The following SOX5 variants were observed in gnomAD, a reference collection of about 807,000 sequenced individuals.
The protein encoded by SOX5 is SRY-box transcription factor 5, also known as transcription factor SOX-5.
In SOX5, 9 loss-of-function variants were observed where a neutral mutation model predicts 92.0. The ratio of observed to expected loss-of-function variants is 0.10; its 90% CI spans 0.06 to 0.17. SOX5 has a LOEUF of 0.17. Ranked by LOEUF, SOX5 falls within the 10% of genes least tolerant of loss-of-function variation. The pLI is 1.00. For missense variants in SOX5, 642 were observed against 944.5 expected, an observed-to-expected ratio of 0.68 and a Z score of 4.20; for synonymous variants, 344 against 336.3, an observed-to-expected ratio of 1.02 and a Z score of -0.25.
At chr12:24,147,676 T>C (rs1209505647) in intron 4 of SOX5, among the ~76,000 whole-genome samples, 1 of 152,116 alleles carries the variant, frequency 6.6e-6, no homozygotes. Context: ...TCTGACTGAA[T>C]TTACAATAAA....
At chr12:24,018,414 T>C (rs1323315277) in intron 4 of SOX5, among the ~76,000 whole-genome samples, 1 of 152,208 alleles carries the variant, frequency 6.6e-6, no homozygotes, top group Non-Finnish European at 1.5e-5. Context: ...GTGATGAAAT[T>C]ATTAGAATTA....
intron 1 of SOX5, among the ~76,000 whole-genome samples, chr12:24,516,665 G>A (rs1278178352): frequency 6.6e-6 from 1 of 152,030 alleles, no homozygotes. Flanking sequence ...TTCTTTCTCA[G>A]CAGGATTATT....
chr12:23,941,938 T>TAA (rs11315586), intron 1 of SOX5, among the ~76,000 whole-genome samples: 1 of 138,262 alleles, frequency 7.2e-6, no homozygotes, highest in Non-Finnish European at 1.6e-5. Context: ...CACTAGCTAA[T>TAA]AAAAAAAAAA....
At chr12:24,474,654 G>A (rs1249422289) in intron 1 of SOX5, among the ~76,000 whole-genome samples, 1 of 149,718 alleles carries the variant, frequency 6.7e-6, no homozygotes, top group Non-Finnish European at 1.5e-5. Flanking sequence ...TCCTGCCTCA[G>A]TCTCCCGGGT....
intron 4 of SOX5, among the ~76,000 whole-genome samples, chr12:23,964,725 C>T (rs549366680): frequency 5.3e-5 from 8 of 152,222 alleles, no homozygotes; most frequent in East Asian, 1.9e-4. Flanking sequence ...CATCTAAAAT[C>T]GAGCAGTAAT....
chr12:23,967,694 G>A (rs1947757906), intron 4 of SOX5, among the ~76,000 whole-genome samples: 1 of 152,100 alleles, frequency 6.6e-6, no homozygotes, highest in Admixed American at 6.5e-5. Flanking sequence ...CATAGCTTTG[G>A]TTGCAAGAGA....
At chr12:24,014,504 C>G (rs1473128163) in intron 4 of SOX5, among the ~76,000 whole-genome samples, 2 of 152,140 alleles carry the variant, frequency 1.3e-5, no homozygotes, top group Admixed American at 1.3e-4. Flanking sequence ...CCACACATGT[C>G]TGAACGAAAT....
chr12:24,009,163 C>A (rs1436894021), intron 4 of SOX5, among the ~76,000 whole-genome samples: 2 of 152,184 alleles, frequency 1.3e-5, no homozygotes, highest in African/African-American at 4.8e-5. Context: ...ATGATTTCAG[C>A]CCTGCTGTGA....
chr12:23,641,069 G>A (rs1014516561), intron 7 of SOX5, among the ~76,000 whole-genome samples, 172 bp from the exon 8 acceptor site: 3 of 152,170 alleles, frequency 2.0e-5, no homozygotes, highest in Non-Finnish European at 4.4e-5. Context: ...TTCTGGCTGA[G>A]AGAGGAATGT....
At chr12:24,083,567 G>A (rs892556475) in intron 4 of SOX5, among the ~76,000 whole-genome samples, 2 of 152,012 alleles carry the variant, frequency 1.3e-5, no homozygotes, top group Non-Finnish European at 2.9e-5. Context: ...TTTTTTCTCA[G>A]TTTAGAAGTC....
chr12:24,542,417 G>A (rs556005338), intron 1 of SOX5, among the ~76,000 whole-genome samples: 10 of 152,302 alleles, frequency 6.6e-5, no homozygotes, highest in African/African-American at 1.9e-4. Context: ...ACTTTTCCTC[G>A]ATAATACACT....
At chr12:24,095,605 A>G (rs555378137) in intron 4 of SOX5, among the ~76,000 whole-genome samples, 1 of 152,260 alleles carries the variant, frequency 6.6e-6, no homozygotes, top group Non-Finnish European at 1.5e-5. Flanking sequence ...GTATTACAAG[A>G]TTATCATTAA....
chr12:24,510,089 A>G (rs967044143), intron 1 of SOX5, among the ~76,000 whole-genome samples: 9 of 152,246 alleles, frequency 5.9e-5, no homozygotes, highest in African/African-American at 2.4e-5. Context: ...TGTTTACTAC[A>G]TCAGATAAAT....
chr12:24,105,272 G>GGCCCAC (rs1946544700), intron 4 of SOX5, among the ~76,000 whole-genome samples: 1 of 152,106 alleles, frequency 6.6e-6, no homozygotes, highest in African/African-American at 2.4e-5. Context: ...CAGGCACGGT[G>GGCCCAC]GCTCACGCCT....
intron 1 of SOX5, among the ~76,000 whole-genome samples, chr12:23,910,338 T>C (rs2097338289): frequency 2.0e-5 from 3 of 152,218 alleles, no homozygotes. Context: ...GATATGATTC[T>C]GAAATTTGAA....
chr12:24,364,207 T>C (rs1256736288), intron 2 of SOX5, among the ~76,000 whole-genome samples: 1 of 152,118 alleles, frequency 6.6e-6, no homozygotes, highest in Non-Finnish European at 1.5e-5. Flanking sequence ...TACTAATCTA[T>C]GCTTTGGGGT....
intron 3 of SOX5, among the ~76,000 whole-genome samples, chr12:23,815,907 T>C (rs917850973): frequency 1.3e-5 from 2 of 152,216 alleles, no homozygotes; most frequent in African/African-American, 4.8e-5. Context: ...CTTTGCAGGC[T>C]GTACTACTCA....
At chr12:23,563,057 T>G (rs1216022526) in intron 11 of SOX5, among the ~76,000 whole-genome samples, 1 of 152,226 alleles carries the variant, frequency 6.6e-6, no homozygotes, top group Non-Finnish European at 1.5e-5. Context: ...GGTTTGGAGA[T>G]GGATCAAGAG....
At chr12:23,716,792 G>A (rs114131175) in intron 6 of SOX5, among the ~76,000 whole-genome samples, 150 of 152,258 alleles carry the variant, frequency 9.9e-4, no homozygotes, top group African/African-American at 3.4e-3. Flanking sequence ...GACATTAAGT[G>A]ACTTGTACAA....
Sources: allele counts gnomAD v4.1 joint callset (sites outside exome capture counted in the v4.1 genomes callset), GRCh38; gene constraint gnomAD v4.1.1; transcripts MANE v1.5; gene names NCBI Gene and HGNC (gene_info 2026-07-23, HGNC 2026-07-21).